FAM135B: variants seen among roughly 807,000 people sequenced by gnomAD.
The protein encoded by FAM135B is protein FAM135B.
A neutral mutation model predicts 127.7 loss-of-function variants in FAM135B; 43 were observed. That is an observed-to-expected ratio of 0.34 (90% CI 0.26 to 0.43). FAM135B has a LOEUF of 0.43. Among genes scored for constraint, FAM135B ranks in the 20% least tolerant of loss-of-function variants. FAM135B has a pLI of 1.00. For missense variants in FAM135B, 1,558 were observed against 1,725.6 expected, an observed-to-expected ratio of 0.90 and a Z score of 1.72; for synonymous variants, 670 against 665.1, an observed-to-expected ratio of 1.01 and a Z score of -0.11.
chr8:138,476,133 T>G (rs1814418999), intron 1 of FAM135B, among the ~76,000 whole-genome samples: 1 of 152,180 alleles, frequency 6.6e-6, no homozygotes, highest in African/African-American at 2.4e-5. Flanking sequence ...TACTGTATGA[T>G]TCTAACTATA....
intron 1 of FAM135B, chr8:138,450,630 G>T (rs976689034): frequency 6.6e-6 from 1 of 152,082 alleles, no homozygotes; most frequent in Admixed American, 6.6e-5. Flanking sequence ...ATGGTTATTT[G>T]CCATCTACAT....
intron 1 of FAM135B, among the ~76,000 whole-genome samples, chr8:138,403,448 A>G (rs1833271001): frequency 6.6e-6 from 1 of 152,178 alleles, no homozygotes; most frequent in African/African-American, 2.4e-5. Context: ...GTTGATTCTC[A>G]ACAACATAGA....
rs2130780048 is a variant in FAM135B, at chr8:138,152,740, T to A, written c.1735A>T (p.Arg579Trp). Residue 579 changes from arginine to tryptophan, a missense_variant, in exon 13 of 20, where the codon AGG becomes TGG. By Grantham distance (101) the Arg-to-Trp change is moderately radical (BLOSUM62 -3). Coordinates refer to ENST00000395297, the MANE Select transcript of FAM135B (RefSeq NM_015912.4). Reference sequence around the variant, plus strand: ...AATCCATACTTATCTCTAGAGCTCCTACTCTCATGCTGAGCATTGAAGGCC... The same window carrying A: ...AATCCATACTTATCTCTAGAGCTCCAACTCTCATGCTGAGCATTGAAGGCC... The part of the protein sequence containing the change: ...LVAFNAQHES[R>W]SSRDKYGLDR... 1 of 1,614,200 alleles carries A rather than the reference T, an allele frequency of 6.2e-7. No individual in the cohort carries two copies.
At chr8:138,357,461 T>C (rs1398287) in intron 2 of FAM135B, among the ~76,000 whole-genome samples, 150,417 of 152,250 alleles carry the variant, frequency 0.99, 74,301 homozygotes, top group South Asian at 1. Flanking sequence ...GGAAAATACA[T>C]GTGAATATAA....
intron 1 of FAM135B, among the ~76,000 whole-genome samples, chr8:138,375,692 T>C (rs553838404): frequency 2.6e-5 from 4 of 152,336 alleles, no homozygotes; most frequent in African/African-American, 9.6e-5. Flanking sequence ...CATATTTCAC[T>C]GAGCCTTTTC....
chr8:138,334,357 C>T (rs1828401395), intron 2 of FAM135B, among the ~76,000 whole-genome samples: 1 of 152,190 alleles, frequency 6.6e-6, no homozygotes, highest in African/African-American at 2.4e-5. Context: ...CAAATATTCA[C>T]TTATTCACTT....
At chr8:138,142,892 T>A in intron 16 of FAM135B, 120 bp downstream of exon 16, 1 of 609,586 alleles carries the variant, frequency 1.6e-6, no homozygotes, top group East Asian at 2.8e-5. Flanking sequence ...TTATTAAAAG[T>A]CACAAGTTAG....
At chr8:138,386,103 C>T (rs1219177811) in intron 1 of FAM135B, among the ~76,000 whole-genome samples, 2 of 151,858 alleles carry the variant, frequency 1.3e-5, no homozygotes, top group Admixed American at 6.6e-5. Context: ...GTAATCTCAG[C>T]TACTCAGGAG....
intron 3 of FAM135B, among the ~76,000 whole-genome samples, chr8:138,295,837 G>A (rs1003677063): frequency 6.6e-6 from 1 of 152,154 alleles, no homozygotes; most frequent in South Asian, 2.1e-4. Context: ...TTGTGTAAGT[G>A]GGAGTGGAAA....
chr8:138,409,333 T>C (rs1833718479), intron 1 of FAM135B, among the ~76,000 whole-genome samples: 1 of 152,120 alleles, frequency 6.6e-6, no homozygotes, highest in South Asian at 2.1e-4. Context: ...CGGTCTTACA[T>C]GGGCATGCTT....
rs867815527 is a variant in FAM135B at position 138,334,109 on chromosome 8, G to C, written c.78-23189C>G. 3.3e-5 allele frequency among the ~76,000 whole-genome samples: 5 copies of C among 152,262 alleles called. No individual in the cohort carries two copies. In the East Asian group the frequency reaches 7.7e-4, roughly 24 times the overall value. On this transcript the variant is annotated intron_variant, in intron 2 of 19. Transcript: ENST00000395297. ...AGATAATTTCTGTATTTTTAGTAGA[G>C]ACGGGGTTTTGCCATGTTTGCCAGG...
chr8:138,438,707 T>C (rs1835598834), intron 1 of FAM135B: 1 of 152,194 alleles, frequency 6.6e-6, no homozygotes, highest in Non-Finnish European at 1.5e-5. Context: ...CAAAACCCAC[T>C]GAACTGGATT....
intron 1 of FAM135B, among the ~76,000 whole-genome samples, chr8:138,445,013 T>C (rs1836034282): frequency 6.6e-6 from 1 of 152,132 alleles, no homozygotes; most frequent in South Asian, 2.1e-4. Context: ...CATCAGAGAA[T>C]ACTATAAACA....
rs528964904 is a variant in FAM135B at position 138,335,214 on chromosome 8, C to T, written c.78-24294G>A. ...AAAAGGAGTCTGTTCTTGGGAATCC[C>T]ATGCCCATCGGAGAACTCGAGGGAT... On this transcript the variant is annotated intron_variant, in intron 2 of 19. Transcript: ENST00000395297. Among the ~76,000 whole-genome samples, 10 of 152,244 alleles carry T rather than the reference C, an allele frequency of 6.6e-5. 1 individual carries two copies. The South Asian group carries it at 2.1e-3, about 32-fold the overall frequency.
intron 1 of FAM135B, among the ~76,000 whole-genome samples, chr8:138,458,103 G>T (rs143686519): frequency 2.8e-4 from 42 of 152,272 alleles, no homozygotes; most frequent in African/African-American, 9.9e-4. Flanking sequence ...CGTGAGCTGA[G>T]ATCACGCCGC....
chr8:138,252,388 C>T (rs1165560097), intron 5 of FAM135B, among the ~76,000 whole-genome samples: 1 of 152,174 alleles, frequency 6.6e-6, no homozygotes, highest in African/African-American at 2.4e-5. Context: ...TGAGTTACTG[C>T]TCACTATTGC....
intron 3 of FAM135B, among the ~76,000 whole-genome samples, chr8:138,275,494 G>A (rs1404992085): frequency 6.6e-6 from 1 of 152,092 alleles, no homozygotes; most frequent in Admixed American, 6.5e-5. Flanking sequence ...AGACCAGCCT[G>A]GGTAACACAG....
intron 12 of FAM135B, 80 bp downstream of exon 12, chr8:138,167,815 A>G (rs16908405): frequency 0.048 from 70,202 of 1,460,662 alleles, 5,507 homozygotes; most frequent in African/African-American, 0.31. Flanking sequence ...CTTTTGCTGG[A>G]ATATAAACAA....
intron 1 of FAM135B, among the ~76,000 whole-genome samples, chr8:138,405,291 A>G (rs1222976428): frequency 6.6e-6 from 1 of 150,858 alleles, no homozygotes; most frequent in African/African-American, 2.4e-5. Flanking sequence ...ACATATGTAT[A>G]CATGTGCCAT....
Sources: allele counts gnomAD v4.1 joint callset (sites outside exome capture counted in the v4.1 genomes callset), GRCh38; gene constraint gnomAD v4.1.1; transcripts MANE v1.5; gene names NCBI Gene and HGNC (gene_info 2026-07-23, HGNC 2026-07-21).